CHIC2: variants seen among roughly 807,000 people sequenced by gnomAD.
CHIC2 encodes cysteine-rich hydrophobic domain-containing protein 2.
A neutral mutation model predicts 25.9 loss-of-function variants in CHIC2; 14 were observed. The ratio of observed to expected loss-of-function variants is 0.54; its 90% CI spans 0.36 to 0.85. CHIC2 has a LOEUF of 0.85. Among genes scored for constraint, CHIC2 ranks in the 40% least tolerant of loss-of-function variants. The pLI, the probability that CHIC2 is intolerant of heterozygous loss-of-function variation, is 0.01. For missense variants in CHIC2, 146 were observed against 202.0 expected (o/e 0.72, Z 1.68); for synonymous variants, 70 against 72.0 (o/e 0.97, Z 0.14).
chr4:54,039,208 G>C (rs952278767), intron 3 of CHIC2, among the ~76,000 whole-genome samples: 1 of 152,044 alleles, frequency 6.6e-6, no homozygotes, highest in African/African-American at 2.4e-5. Flanking sequence ...CAGCACAAAA[G>C]TACAATCTAT....
intron 3 of CHIC2, among the ~76,000 whole-genome samples, chr4:54,042,132 T>A (rs1292110277): frequency 6.6e-6 from 1 of 152,170 alleles, no homozygotes; most frequent in Non-Finnish European, 1.5e-5. Flanking sequence ...ACCATGGTTA[T>A]GTAATAGTTT....
the CHIC2 span, among the ~76,000 whole-genome samples, chr4:54,084,959 C>CAAAAAAAAAAAACAAAAAAAA: frequency 1.7e-5 from 1 of 58,922 alleles, no homozygotes; most frequent in Non-Finnish European, 3.2e-5. Flanking sequence ...TGCTCTGTCT[C>CAAAAAAAAAAAACAAAAAAAA]AAAAAAAAAA....
chr4:54,038,793 G>C (rs998799843), intron 3 of CHIC2, among the ~76,000 whole-genome samples: 1 of 152,068 alleles, frequency 6.6e-6, no homozygotes, highest in South Asian at 2.1e-4. Context: ...AGGCCGAGAT[G>C]AGAGAATCGC....
chr4:54,064,307 C>T lies in CHIC2; in HGVS notation c.-7G>A. ...TTTCGTCGAAATCCGCCATCCTGAG[C>T]CTCCGAGCTCCCCTGCCCAAAGGGC... On this transcript the variant is annotated 5_prime_UTR_variant, in exon 1 of 6. Coordinates refer to ENST00000263921, the MANE Select transcript of CHIC2 (RefSeq NM_012110.4). The surrounding 1 kb of genome is among the most constrained non-coding windows in gnomAD (Gnocchi z 4.2). 1 of 1,613,214 alleles carries T rather than the reference C, an allele frequency of 6.2e-7. No individual in the cohort carries two copies. Among genetic ancestry groups the T allele is most frequent in the Non-Finnish European group, 8.5e-7 (1 of 1,179,584 alleles).
chr4:54,071,522 G>A, the CHIC2 span, among the ~76,000 whole-genome samples: 1 of 152,210 alleles, frequency 6.6e-6, no homozygotes, highest in Non-Finnish European at 1.5e-5. Context: ...CTAGGAAGTG[G>A]TAGAGCCAGA....
intron 3 of CHIC2, among the ~76,000 whole-genome samples, chr4:54,027,781 T>C (rs537266475): frequency 3.9e-5 from 6 of 152,196 alleles, no homozygotes; most frequent in African/African-American, 1.2e-4. Flanking sequence ...TAAAAGTAAA[T>C]ACACAAGTTT....
intron 5 of CHIC2, among the ~76,000 whole-genome samples, chr4:54,013,506 T>C (rs1241747237): frequency 6.6e-6 from 1 of 152,124 alleles, no homozygotes; most frequent in African/African-American, 2.4e-5. Context: ...AAAAAAGCCA[T>C]ATCTGACTTG....
chr4:54,030,565 C>CACACAT (rs1297853724), intron 3 of CHIC2, among the ~76,000 whole-genome samples: 1 of 146,146 alleles, frequency 6.8e-6, no homozygotes, highest in African/African-American at 2.5e-5. Flanking sequence ...TACACACACA[C>CACACAT]ACACACACAT....
the CHIC2 span, chr4:54,087,714 G>A: frequency 1.9e-6 from 1 of 530,906 alleles, no homozygotes; most frequent in East Asian, 3.1e-5. Flanking sequence ...ATCTGGCAAA[G>A]AATTCTGCAT....
chr4:54,061,500 T>C (rs1012429497), intron 1 of CHIC2, among the ~76,000 whole-genome samples: 1 of 152,050 alleles, frequency 6.6e-6, no homozygotes, highest in South Asian at 2.1e-4. Flanking sequence ...AAGGGAAGAC[T>C]GCTCTGATCA....
rs937800700 is a variant in CHIC2, at chr4:54,064,570, G to A, written c.-270C>T. On this transcript the variant is annotated 5_prime_UTR_variant, in exon 1 of 6. Transcript: ENST00000263921. The surrounding 1 kb of genome is among the most constrained non-coding windows in gnomAD (Gnocchi z 4.2). ...CGACACCTCCACAAGCACAGACGCC[G>A]CTGCCGCCGCCGCAGCAGCAGCAAC... 2.4e-6 allele frequency: 3 copies of A among 1,269,436 alleles called. No homozygotes were observed. Among genetic ancestry groups the A allele is most frequent in the Non-Finnish European group, 3.0e-6 (3 of 1,007,478 alleles). The allele number at this position is 1,269,436 out of a possible 1,614,324, so 78.6% of individuals were successfully genotyped here. A position where few individuals can be genotyped will look rare whatever the true frequency, so the allele number is the denominator to read the frequency against.
chr4:54,061,634 T>C (rs193019074), intron 1 of CHIC2, among the ~76,000 whole-genome samples: 4 of 152,274 alleles, frequency 2.6e-5, no homozygotes, highest in South Asian at 2.1e-4. Context: ...TCAACAGTTA[T>C]AGTAATACAT....
chr4:54,047,538 C>T (rs1441754731), intron 3 of CHIC2, among the ~76,000 whole-genome samples: 2 of 151,312 alleles, frequency 1.3e-5, no homozygotes, highest in African/African-American at 4.9e-5. Context: ...TCTCAGCAAA[C>T]TATCGCAAGG....
chr4:54,044,079 G>C (rs930665466), intron 3 of CHIC2, among the ~76,000 whole-genome samples: 1 of 152,218 alleles, frequency 6.6e-6, no homozygotes, highest in East Asian at 1.9e-4. Context: ...AATGGTAAAG[G>C]GATCAATTCA....
In CHIC2 at chr4:54,064,255, G is replaced by C; in HGVS notation, c.46C>G (p.Arg16Gly). The change falls in exon 1 of 6, where the codon CGG (arginine) becomes GGG (glycine). Residue 16 changes from arginine to glycine, a missense_variant. Physicochemically the swap from Arg to Gly is moderately radical, Grantham distance 125 (BLOSUM62 -2). Transcript: ENST00000263921. The surrounding 1 kb of genome is among the most constrained non-coding windows in gnomAD (Gnocchi z 4.2). ...EIYEEEEDEE[R>G]ALEEQLLKYS... ...TTGAGCAGCTGCTCCTCCAGGGCCC[G>C]CTCCTCGTCCTCCTCTTCCTCATAG... The C allele has an allele frequency of 6.2e-7, 1 of 1,611,414 alleles. No individual in the cohort carries two copies. Among genetic ancestry groups the C allele is most frequent in the Non-Finnish European group, 8.5e-7 (1 of 1,178,872 alleles).
intron 5 of CHIC2, among the ~76,000 whole-genome samples, chr4:54,012,583 T>C (rs1186664587): frequency 1.3e-5 from 2 of 152,094 alleles, no homozygotes; most frequent in Non-Finnish European, 2.9e-5. Context: ...AATATTTTTT[T>C]CACTAAATTC....
At chr4:54,030,666 AT>A (rs201197122) in intron 3 of CHIC2, among the ~76,000 whole-genome samples, 5,720 of 134,642 alleles carry the variant, frequency 0.042, 258 homozygotes, top group African/African-American at 0.14. Flanking sequence ...TAAAATGCTA[AT>A]TTTTTTTTTT....
At chr4:54,028,856 G>A (rs1322887486) in intron 3 of CHIC2, among the ~76,000 whole-genome samples, 1 of 152,160 alleles carries the variant, frequency 6.6e-6, no homozygotes, top group Non-Finnish European at 1.5e-5. Flanking sequence ...TGGGCGCAGC[G>A]GCTCACGCCT....
the CHIC2 span, among the ~76,000 whole-genome samples, chr4:54,084,438 T>C: frequency 6.6e-6 from 1 of 151,940 alleles, no homozygotes; most frequent in Non-Finnish European, 1.5e-5. Flanking sequence ...ATTGTGATTA[T>C]ATTAGGCCCA....
Sources: allele counts gnomAD v4.1 joint callset (sites outside exome capture counted in the v4.1 genomes callset), GRCh38; gene constraint gnomAD v4.1.1; non-coding constraint Gnocchi (gnomAD v3.1); transcripts MANE v1.5; gene names NCBI Gene and HGNC (gene_info 2026-07-23, HGNC 2026-07-21).